The following DNM3 variants were observed in gnomAD, a reference collection of about 807,000 sequenced individuals.
DNM3 encodes the protein dynamin 3.
Under a neutral mutation model 101.6 loss-of-function variants are expected in DNM3, and 47 were observed. That is an observed-to-expected ratio of 0.46 (90% CI 0.37 to 0.59). The LOEUF (loss-of-function observed/expected upper bound fraction) is 0.59. Ranked by LOEUF, DNM3 falls within the 20% of genes least tolerant of loss-of-function variation. DNM3 has a pLI of 0.00. For synonymous variants in DNM3, 385 were observed against 387.9 expected, an observed-to-expected ratio of 0.99 and a Z score of 0.09; for missense variants, 849 against 1,085.7, an observed-to-expected ratio of 0.78 and a Z score of 3.06.
intron 16 of DNM3, among the ~76,000 whole-genome samples, chr1:172,320,051 C>T (rs1437677400): frequency 1.3e-5 from 2 of 151,420 alleles, no homozygotes; most frequent in African/African-American, 4.9e-5. Flanking sequence ...ACTACGCAGC[C>T]ATAAAAAATG....
At chr1:172,070,043 C>G (rs978707347) in intron 11 of DNM3, among the ~76,000 whole-genome samples, 1 of 152,062 alleles carries the variant, frequency 6.6e-6, no homozygotes, top group Non-Finnish European at 1.5e-5. Context: ...TTGGGACATT[C>G]GTGAGTGATT....
intron 17 of DNM3, among the ~76,000 whole-genome samples, chr1:172,368,245 A>G (rs2068131857): frequency 6.6e-6 from 1 of 151,916 alleles, no homozygotes; most frequent in South Asian, 2.1e-4. Flanking sequence ...GTCTCAACAA[A>G]TTTTTAAAAA....
At chr1:172,265,071 C>T (rs1006253338) in intron 15 of DNM3, among the ~76,000 whole-genome samples, 5 of 152,174 alleles carry the variant, frequency 3.3e-5, no homozygotes, top group African/African-American at 1.2e-4. Flanking sequence ...CTGCATGGAA[C>T]TGACCATTGC....
chr1:171,871,523 G>T (rs1291542756), intron 1 of DNM3, among the ~76,000 whole-genome samples: 1 of 152,152 alleles, frequency 6.6e-6, no homozygotes, highest in East Asian at 1.9e-4. Context: ...CAGTGCATAG[G>T]ATTCTCGCAA....
At chr1:172,387,033 T>C in intron 18 of DNM3, 100 bp from the exon 19 acceptor site, 1 of 1,010,290 alleles carries the variant, frequency 9.9e-7, no homozygotes, top group Non-Finnish European at 1.5e-6. Context: ...TGGTGGACTT[T>C]GGTGGACTTT....
chr1:172,037,358 C>G (rs1315492731), intron 6 of DNM3, among the ~76,000 whole-genome samples: 1 of 152,132 alleles, frequency 6.6e-6, no homozygotes, highest in Non-Finnish European at 1.5e-5. Context: ...TATTGCAGCA[C>G]TATTCACAAT....
chr1:172,007,181 G>A (rs953746555), intron 4 of DNM3, among the ~76,000 whole-genome samples: 2 of 152,054 alleles, frequency 1.3e-5, no homozygotes, highest in Non-Finnish European at 2.9e-5. Context: ...ACCTAAGAGA[G>A]GAATTGCACA....
At chr1:172,278,172 G>A (rs747461018) in intron 15 of DNM3, among the ~76,000 whole-genome samples, 3 of 152,032 alleles carry the variant, frequency 2.0e-5, no homozygotes, top group East Asian at 1.9e-4. Flanking sequence ...TGAAGAATGC[G>A]CCAGTCTATT....
chr1:171,946,896 A>G (rs139485228), intron 2 of DNM3, among the ~76,000 whole-genome samples: 19 of 152,316 alleles, frequency 1.2e-4, no homozygotes, highest in South Asian at 2.1e-4. Flanking sequence ...GGGAACTGAT[A>G]CAGCGAGAAC....
intron 4 of DNM3, among the ~76,000 whole-genome samples, chr1:172,024,396 C>G (rs1461221835): frequency 6.6e-6 from 1 of 152,120 alleles, no homozygotes; most frequent in Non-Finnish European, 1.5e-5. Flanking sequence ...ATTTATATAT[C>G]CTATTCAAAA....
chr1:171,987,736 G>T lies in DNM3; in HGVS notation c.316G>T (p.Asp106Tyr), dbSNP rs1194672708. 1 of 1,604,970 alleles carries T rather than the reference G, an allele frequency of 6.2e-7. No individual in the cohort carries two copies. The highest frequency in any genetic ancestry group is 8.5e-7 in the Non-Finnish European group (1 of 1,176,504). The change falls in exon 3 of 21, where the codon GAT (aspartate) becomes TAT (tyrosine). Residue 106 changes from aspartate (D) to tyrosine (Y), a missense_variant. Transcript: ENST00000627582. ...TCGCCTTGAGATTGAAGCAGAAACA[G>T]ATCGCGTGACTGGAATGAATAAAGG... ...EVRLEIEAET[D>Y]RVTGMNKGIS...
At chr1:171,877,584 C>T (rs1438018935) in intron 1 of DNM3, among the ~76,000 whole-genome samples, 1 of 152,122 alleles carries the variant, frequency 6.6e-6, no homozygotes, top group Non-Finnish European at 1.5e-5. Flanking sequence ...TAGTTTAAAA[C>T]TGATACTAAG....
chr1:172,150,489 AGGTTTGTTTTGTTT>A (rs2058086382), intron 14 of DNM3, among the ~76,000 whole-genome samples: 1 of 152,116 alleles, frequency 6.6e-6, no homozygotes, highest in Non-Finnish European at 1.5e-5. Context: ...CTGAATTTAG[AGGTTTGTTTTGTTT>A]AGTTAGTTAG....
At chr1:171,928,656 G>A (rs1431888400) in intron 2 of DNM3, among the ~76,000 whole-genome samples, 1 of 152,072 alleles carries the variant, frequency 6.6e-6, no homozygotes, top group Non-Finnish European at 1.5e-5. Flanking sequence ...TTAGTCTGAG[G>A]GTAGCAAGGG....
At chr1:172,346,052 G>A (rs1465171498) in intron 17 of DNM3, among the ~76,000 whole-genome samples, 1 of 150,776 alleles carries the variant, frequency 6.6e-6, no homozygotes, top group African/African-American at 2.4e-5. Flanking sequence ...GAACCTGGGA[G>A]GCGGAGCTTG....
intron 1 of DNM3, among the ~76,000 whole-genome samples, chr1:171,886,244 T>C (rs1372654576): frequency 6.6e-6 from 1 of 152,210 alleles, no homozygotes; most frequent in African/African-American, 2.4e-5. Flanking sequence ...CTTTTCCTCT[T>C]TTATTTGTGA....
intron 11 of DNM3, among the ~76,000 whole-genome samples, chr1:172,069,829 AAGTT>A (rs1270138424): frequency 1.3e-5 from 2 of 152,152 alleles, no homozygotes; most frequent in African/African-American, 4.8e-5. Context: ...AAGCCTGTGT[AAGTT>A]AGTATTACAG....
rs552035533 is a variant in DNM3 at position 172,328,441 on chromosome 1, G to T, written c.1893+5101G>T. Among the ~76,000 whole-genome samples the T allele has an allele frequency of 2.6e-5, 4 of 152,164 alleles. No homozygotes were observed. The South Asian group carries it at 8.3e-4, about 32-fold the overall frequency. On this transcript the variant is annotated intron_variant, in intron 17 of 20. Transcript: ENST00000627582. ...CATATACACCATGGAATACTATGCA[G>T]CCATAAAAAAGAATGAGATCATGTC...
At chr1:172,153,412 A>G (rs959309221) in intron 14 of DNM3, among the ~76,000 whole-genome samples, 2 of 152,142 alleles carry the variant, frequency 1.3e-5, no homozygotes, top group African/African-American at 2.4e-5. Context: ...AGAGAATATT[A>G]AACTAGTTAT....
Sources: allele counts gnomAD v4.1 joint callset (sites outside exome capture counted in the v4.1 genomes callset), GRCh38; gene constraint gnomAD v4.1.1; transcripts MANE v1.5; gene names NCBI Gene and HGNC (gene_info 2026-07-23, HGNC 2026-07-21).